The following MED16 variants were observed in gnomAD, a reference collection of about 807,000 sequenced individuals.
MED16 encodes mediator of RNA polymerase II transcription subunit 16.
In MED16, 81 loss-of-function variants were observed where a neutral mutation model predicts 84.4. That is an observed-to-expected ratio of 0.96 (90% CI 0.80 to 1.15). The LOEUF is 1.15. MED16 is among the 50% of genes most tolerant of loss of function. The pLI, the probability that MED16 is intolerant of heterozygous loss-of-function variation, is 0.00. For missense variants in MED16, 1,585 were observed against 1,245.9 expected, an observed-to-expected ratio of 1.27 and a Z score of -4.10; for synonymous variants, 897 against 552.2, an observed-to-expected ratio of 1.62 and a Z score of -8.76.
rs1279535039 is a variant in MED16, at chr19:881,599, G to A, written c.1101C>T (p.Asp367=). 4.3e-6 allele frequency: 7 copies of A among 1,612,582 alleles called. No individual in the cohort carries two copies. The highest frequency in any genetic ancestry group is 2.2e-5 in the South Asian group (2 of 91,084). Residue 367 remains aspartate (D), a synonymous_variant, in exon 7 of 16, where the codon GAC becomes GAT. Transcript: ENST00000325464. The stretch of plus-strand genomic sequence containing the variant: ...ACTGTGTGTCGCTGGCCACCTTGAG[G>A]TCGGTGTTGGTGAGCGAGATGGGCA... ...PKLPISLTNT[D]LKVASDTQFY... is the part of the protein sequence containing the mutation.
chr19:871,316 A>ACGTGCT, intron 12 of MED16, 63 bp from the exon 13 acceptor site: 2 of 1,460,524 alleles, frequency 1.4e-6, no homozygotes, highest in Non-Finnish European at 1.8e-6. Flanking sequence ...GCCACCCGGG[A>ACGTGCT]CGTGCTGGGA....
chr19:887,291 A>G (rs1209794604), intron 4 of MED16, among the ~76,000 whole-genome samples: 1 of 152,162 alleles, frequency 6.6e-6, no homozygotes, highest in African/African-American at 2.4e-5. Flanking sequence ...TGGTGTCCAC[A>G]CCACACGTCT....
intron 4 of MED16, among the ~76,000 whole-genome samples, chr19:888,310 T>G (rs1205366998): frequency 6.6e-6 from 1 of 151,408 alleles, no homozygotes. Context: ...TCACCTGAGG[T>G]GAGAAGTTCG....
rs553509559 is a variant in MED16, at chr19:870,315, C to T, written c.2315+722G>A. Reference sequence around the variant, plus strand: ...GTGGCTCACACCTGTAATCCCAGCACTTTGGGAGGGCGAGGCAGGTGGATC... The same window carrying T: ...GTGGCTCACACCTGTAATCCCAGCATTTTGGGAGGGCGAGGCAGGTGGATC... On this transcript the variant is annotated intron_variant, in intron 13 of 15. Transcript: ENST00000325464. Among the ~76,000 whole-genome samples, 3 of 152,284 alleles carry T rather than the reference C, an allele frequency of 2.0e-5. No homozygotes were observed. In the South Asian group the frequency reaches 6.2e-4, roughly 32 times the overall value.
chr19:874,631 C>A (rs1285487637), intron 10 of MED16, among the ~76,000 whole-genome samples: 1 of 152,186 alleles, frequency 6.6e-6, no homozygotes, highest in Non-Finnish European at 1.5e-5. Context: ...GTCTCAGCCC[C>A]CAGGAGTAGA....
rs35040519 is a variant in MED16, at chr19:868,421, G to A, written c.2478C>T (p.Asn826=). ...GCCACCAGAGCCCACCGCACAGGCA[G>A]TTCTTGATCCAGCGCTGCTCCCACT... is the stretch of plus-strand genomic sequence containing the variant. ...VKQWEQRWIK[N]CLAVEGRGPD... The change falls in exon 15 of 16, where the codon AAC becomes AAT. Residue 826 remains asparagine, a synonymous_variant. Coordinates refer to ENST00000325464, the MANE Select transcript of MED16 (RefSeq NM_005481.3). 6,258 of 1,610,342 alleles carry A rather than the reference G, an allele frequency of 3.9e-3. 190 individuals are homozygous for A. In the African/African-American group the frequency reaches 0.072, roughly 19 times the overall value.
chr19:875,529 G>A, intron 9 of MED16, 75 bp from the exon 10 acceptor site: 1 of 1,241,960 alleles, frequency 8.1e-7, no homozygotes, highest in Non-Finnish European at 1.1e-6. Flanking sequence ...GAGGAGAAGA[G>A]CAGTTCGACT....
chr19:871,576 AC>A, intron 12 of MED16: 2 of 1,594,830 alleles, frequency 1.3e-6, no homozygotes, highest in South Asian at 1.1e-5. Context: ...CATACACACA[AC>A]CCGACAAGGA....
intron 10 of MED16, among the ~76,000 whole-genome samples, chr19:874,382 G>C (rs539334916): frequency 3.9e-5 from 6 of 152,324 alleles, no homozygotes; most frequent in African/African-American, 1.4e-4. Flanking sequence ...AAAGTGCTGG[G>C]ATTACACACG....
At chr19:884,230 C>G (rs943220980) in intron 6 of MED16, among the ~76,000 whole-genome samples, 1 of 152,238 alleles carries the variant, frequency 6.6e-6, no homozygotes, top group East Asian at 1.9e-4. Context: ...AGGCCCGCAG[C>G]CTCCGAGGCT....
chr19:879,631 C>T (rs1210019555), intron 8 of MED16, among the ~76,000 whole-genome samples: 1 of 136,262 alleles, frequency 7.3e-6, no homozygotes, highest in African/African-American at 2.8e-5. Flanking sequence ...CCCAGCCCCA[C>T]GTGCCCCAGC....
intron 6 of MED16, among the ~76,000 whole-genome samples, chr19:882,986 G>A (rs534268200): frequency 9.3e-4 from 142 of 152,338 alleles, no homozygotes; most frequent in Admixed American, 2.6e-3. Flanking sequence ...TCATGGAATT[G>A]AGCCTCTCAT....
Position 885,781 on chromosome 19 carries a change from T to G in MED16, c.868A>C (p.Met290Leu). Residue 290 changes from methionine to leucine, a missense_variant, in exon 5 of 16, where the codon ATG becomes CTG. Transcript: ENST00000325464. ...CTGCGCCCGTTCACCTGCTCCGACA[T>G]GTCCCGGGCCAGGAACTTGAGGTGG... ...ITHLKFLARD[M>L]SEQVLLCASS... 6.2e-7 allele frequency: 1 copy of G among 1,609,074 alleles called. No individual in the cohort carries two copies. The highest frequency in any genetic ancestry group is 8.5e-7 in the Non-Finnish European group (1 of 1,179,444).
chr19:891,731 C>CG (rs1433781257), intron 1 of MED16, among the ~76,000 whole-genome samples: 2 of 102,058 alleles, frequency 2.0e-5, no homozygotes, highest in African/African-American at 9.7e-5. Flanking sequence ...GTGGCCGAGG[C>CG]GGGGCTGACT....
At chr19:873,390 G>A (rs1233430903) in intron 11 of MED16, 59 bp downstream of exon 11, 1 of 1,547,526 alleles carries the variant, frequency 6.5e-7, no homozygotes, top group Non-Finnish European at 8.7e-7. Flanking sequence ...GGGAAGCGGG[G>A]TCCTGATGAG....
At chr19:870,115 T>G (rs1164192459) in intron 13 of MED16, among the ~76,000 whole-genome samples, 1 of 152,174 alleles carries the variant, frequency 6.6e-6, no homozygotes, top group East Asian at 1.9e-4. Context: ...TGATGAGGTG[T>G]CTGCTCAGCA....
intron 4 of MED16, among the ~76,000 whole-genome samples, chr19:889,121 C>T (rs998376354): frequency 2.1e-5 from 3 of 141,734 alleles, no homozygotes; most frequent in Non-Finnish European, 3.0e-5. Flanking sequence ...CTTAACTGTC[C>T]CCAACCCTGG....
At chr19:887,025 G>C (rs1194851571) in intron 4 of MED16, among the ~76,000 whole-genome samples, 1 of 149,360 alleles carries the variant, frequency 6.7e-6, no homozygotes, top group South Asian at 2.1e-4. Flanking sequence ...ATTGCAGTGA[G>C]CCGAGATCAC....
At chr19:873,383 A>C in intron 11 of MED16, 66 bp downstream of exon 11, 1 of 1,514,756 alleles carries the variant, frequency 6.6e-7, no homozygotes, top group Non-Finnish European at 8.9e-7. Flanking sequence ...AGGGGCAGGG[A>C]AGCGGGGTCC....
Sources: gnomAD v4.1 joint callset for allele counts (sites outside exome capture counted in the v4.1 genomes callset) on GRCh38, gnomAD v4.1.1 for gene constraint, MANE v1.5 for transcripts, NCBI Gene and HGNC (gene_info 2026-07-23, HGNC 2026-07-21) for gene names.